Variants in ADAM18 observed in about 807,000 individuals in gnomAD.
ADAM18 encodes the protein ADAM metallopeptidase domain 18, also known as disintegrin and metalloproteinase domain-containing protein 18.
ADAM18 carries 117 observed loss-of-function variants against 94.4 expected under a neutral mutation model. The ratio of observed to expected loss-of-function variants is 1.24; its 90% CI spans 1.07 to 1.45. The LOEUF (loss-of-function observed/expected upper bound fraction) is 1.45, where lower values mean the gene tolerates loss of function less well. Ranked by LOEUF, ADAM18 falls within the 40% of genes most tolerant of loss-of-function variation. The pLI is 0.00. For synonymous variants in ADAM18, 327 were observed against 291.6 expected, an observed-to-expected ratio of 1.12 and a Z score of -1.24; for missense variants, 936 against 880.0, an observed-to-expected ratio of 1.06 and a Z score of -0.81.
At chr8:39,619,209 A>T (rs1819534974) in intron 6 of ADAM18, among the ~76,000 whole-genome samples, 1 of 152,220 alleles carries the variant, frequency 6.6e-6, no homozygotes, top group African/African-American at 2.4e-5. Context: ...ATAGACACAT[A>T]TACAATAATA....
chr8:39,647,636 A>T (rs998815219), intron 11 of ADAM18, among the ~76,000 whole-genome samples: 2 of 152,158 alleles, frequency 1.3e-5, no homozygotes, highest in Non-Finnish European at 2.9e-5. Context: ...TCACATGGGG[A>T]GAAACCTTGG....
chr8:39,591,822 G>A (rs1818577984), intron 2 of ADAM18, among the ~76,000 whole-genome samples: 1 of 152,082 alleles, frequency 6.6e-6, no homozygotes, highest in South Asian at 2.1e-4. Flanking sequence ...ACTATTTATG[G>A]CAGCTATAGC....
chr8:39,715,794 A>G (rs1033059085), intron 18 of ADAM18, among the ~76,000 whole-genome samples: 2 of 152,068 alleles, frequency 1.3e-5, no homozygotes, highest in Non-Finnish European at 2.9e-5. Flanking sequence ...AATTAAATCA[A>G]TAATTAAAAC....
chr8:39,711,874 A>T (rs1046839035), intron 18 of ADAM18, among the ~76,000 whole-genome samples: 1 of 152,158 alleles, frequency 6.6e-6, no homozygotes. Context: ...CAAAACTTTT[A>T]AAATTTTATG....
intron 10 of ADAM18, among the ~76,000 whole-genome samples, chr8:39,639,762 T>C (rs1820183619): frequency 6.6e-6 from 1 of 152,062 alleles, no homozygotes; most frequent in Admixed American, 6.6e-5. Flanking sequence ...ATACATTGTT[T>C]CTAGTTTTCT....
chr8:39,680,306 C>A, intron 16 of ADAM18, 80 bp downstream of exon 16: 3 of 1,268,862 alleles, frequency 2.4e-6, no homozygotes, highest in Non-Finnish European at 2.2e-6. Context: ...ATGACTATCA[C>A]AATTATATTG....
intron 1 of ADAM18, among the ~76,000 whole-genome samples, chr8:39,584,920 C>A (rs1413110216): frequency 6.6e-6 from 1 of 152,142 alleles, no homozygotes; most frequent in East Asian, 1.9e-4. Context: ...CGCAGTGCGT[C>A]TTCTGGCATC....
chr8:39,648,583 A>G, intron 12 of ADAM18, 56 bp downstream of exon 12: 1 of 1,465,996 alleles, frequency 6.8e-7, no homozygotes. Context: ...ATAAAACATA[A>G]GACATGTTTG....
chr8:39,628,106 T>G (rs989208435), intron 6 of ADAM18, among the ~76,000 whole-genome samples: 1 of 152,032 alleles, frequency 6.6e-6, no homozygotes, highest in Non-Finnish European at 1.5e-5. Flanking sequence ...AATATCAATT[T>G]TAATAATTAT....
intron 2 of ADAM18, among the ~76,000 whole-genome samples, chr8:39,587,069 G>A (rs1391114221): frequency 1.3e-5 from 2 of 152,042 alleles, no homozygotes; most frequent in African/African-American, 4.8e-5. Flanking sequence ...ACTTTATTGA[G>A]TTATAATTGA....
At chr8:39,714,336 G>A (rs1822508505) in intron 18 of ADAM18, among the ~76,000 whole-genome samples, 1 of 152,080 alleles carries the variant, frequency 6.6e-6, no homozygotes, top group African/African-American at 2.4e-5. Flanking sequence ...AATACCTAAT[G>A]TAAATGATGA....
intron 18 of ADAM18, among the ~76,000 whole-genome samples, chr8:39,710,011 T>C (rs1168418469): frequency 6.6e-6 from 1 of 152,204 alleles, no homozygotes; most frequent in Admixed American, 6.5e-5. Context: ...TGTTTGATGC[T>C]GGTGTCGTTA....
intron 10 of ADAM18, 40 bp downstream of exon 10, chr8:39,638,586 G>T: frequency 8.0e-7 from 1 of 1,253,086 alleles, no homozygotes. Context: ...CTATTTTTAG[G>T]CCTTATATTA....
chr8:39,616,557 T>C (rs1176882042), intron 6 of ADAM18, among the ~76,000 whole-genome samples: 1 of 152,198 alleles, frequency 6.6e-6, no homozygotes, highest in Non-Finnish European at 1.5e-5. Context: ...AGAGCCTGAA[T>C]AGCCAAAGGA....
chr8:39,586,265 A>C (rs1818388570), intron 2 of ADAM18, among the ~76,000 whole-genome samples: 1 of 152,232 alleles, frequency 6.6e-6, no homozygotes, highest in South Asian at 2.1e-4. Context: ...ATTTTCATAT[A>C]TAAATCTTAT....
chr8:39,617,662 G>A (rs1819483215), intron 6 of ADAM18, among the ~76,000 whole-genome samples: 1 of 152,170 alleles, frequency 6.6e-6, no homozygotes, highest in Admixed American at 6.5e-5. Context: ...CAGCCATAAA[G>A]AATACTGAAA....
intron 2 of ADAM18, among the ~76,000 whole-genome samples, chr8:39,595,537 A>G (rs1818714203): frequency 6.6e-6 from 1 of 152,106 alleles, no homozygotes; most frequent in South Asian, 2.1e-4. Flanking sequence ...GATTCACTCC[A>G]GGAGATTCAC....
At chr8:39,614,222 A>G (rs1179005365) in intron 6 of ADAM18, among the ~76,000 whole-genome samples, 2 of 152,204 alleles carry the variant, frequency 1.3e-5, no homozygotes, top group African/African-American at 2.4e-5. Flanking sequence ...GCAAATAGAG[A>G]CAAGGGACAG....
intron 12 of ADAM18, among the ~76,000 whole-genome samples, chr8:39,657,800 C>T (rs1563294092): frequency 6.6e-6 from 1 of 151,566 alleles, no homozygotes; most frequent in Admixed American, 6.6e-5. Flanking sequence ...ATGAAAAAGA[C>T]GTGAAAGAAC....
Sources: allele counts gnomAD v4.1 joint callset (sites outside exome capture counted in the v4.1 genomes callset), GRCh38; gene constraint gnomAD v4.1.1; transcripts MANE v1.5; gene names NCBI Gene and HGNC (gene_info 2026-07-23, HGNC 2026-07-21).